WT1: variants seen among roughly 807,000 people sequenced by gnomAD.
WT1 encodes the protein Wilms tumor protein.
In WT1, 8 loss-of-function variants were observed where a neutral mutation model predicts 60.8. That is an observed-to-expected ratio of 0.13 (90% confidence interval 0.08 to 0.24). WT1 has a LOEUF of 0.24. Ranked by LOEUF, WT1 falls within the 10% of genes least tolerant of loss-of-function variation. WT1 has a pLI of 1.00. For missense variants in WT1, 568 were observed against 711.8 expected, an observed-to-expected ratio of 0.80 and a Z score of 2.30; for synonymous variants, 312 against 297.1, an observed-to-expected ratio of 1.05 and a Z score of -0.52.
intron 5 of WT1, among the ~76,000 whole-genome samples, chr11:32,409,267 C>T (rs1006512541): frequency 3.3e-5 from 5 of 151,714 alleles, no homozygotes; most frequent in Non-Finnish European, 7.4e-5. Flanking sequence ...TTTTAAAATG[C>T]TTGGGATGGG....
intron 7 of WT1, among the ~76,000 whole-genome samples, chr11:32,394,825 C>T (rs1851919324): frequency 1.3e-5 from 2 of 152,230 alleles, no homozygotes; most frequent in African/African-American, 4.8e-5. Flanking sequence ...CACTGCCTTC[C>T]CTTCACACAG....
chr11:32,407,563 C>T (rs1852354418), intron 5 of WT1, among the ~76,000 whole-genome samples: 1 of 152,140 alleles, frequency 6.6e-6, no homozygotes. Context: ...CGTCTTCTCC[C>T]CTCTGCAGAG....
chr11:32,419,763 A>T (rs1015810967), intron 3 of WT1, among the ~76,000 whole-genome samples: 1 of 152,208 alleles, frequency 6.6e-6, no homozygotes, highest in Non-Finnish European at 1.5e-5. Context: ...GCGCTATTTC[A>T]GTTCGCTGCA....
At chr11:32,391,868 T>G in intron 9 of WT1, 104 bp downstream of exon 9, 1 of 1,211,356 alleles carries the variant, frequency 8.3e-7, no homozygotes, top group South Asian at 1.2e-5. Flanking sequence ...AGTCTAAACC[T>G]TAGAACTTTT....
In WT1 at chr11:32,389,735, GT is replaced by G. The variant is rs879851963; in HGVS notation, c.1448-557del. 3.2e-3 allele frequency among the ~76,000 whole-genome samples: 467 copies of G among 146,560 alleles called. 3 individuals carry two copies. Among genetic ancestry groups the G allele is most frequent in the African/African-American group, 0.01 (413 of 40,096 alleles). The stretch of plus-strand genomic sequence containing the variant: ...GATACCAGTTTACATGTTATGTGTT[GT>G]TTTTTTTTTTCTCTTAAAGTGTTAC... On this transcript the variant is annotated intron_variant, in intron 9 of 9. Coordinates refer to ENST00000452863, the MANE Select transcript of WT1 (RefSeq NM_024426.6).
At chr11:32,423,296 C>A (rs938475211) in intron 3 of WT1, among the ~76,000 whole-genome samples, 2 of 152,186 alleles carry the variant, frequency 1.3e-5, no homozygotes, top group Non-Finnish European at 2.9e-5. Flanking sequence ...TCTTTAGGTG[C>A]CTGGGCTGAA....
At chr11:32,398,555 T>C (rs1225354620) in intron 6 of WT1, among the ~76,000 whole-genome samples, 1 of 152,174 alleles carries the variant, frequency 6.6e-6, no homozygotes, top group Non-Finnish European at 1.5e-5. Context: ...TCTGCCTCCC[T>C]AAGAAGCAGT....
intron 3 of WT1, 134 bp downstream of exon 3, chr11:32,427,822 G>C (rs1853106350): frequency 3.1e-6 from 2 of 655,432 alleles, no homozygotes. Context: ...GAGTGGAGTC[G>C]AGGCGTCTCG....
At chr11:32,416,577 G>A (rs1218566942) in intron 4 of WT1, 37 bp from the exon 5 acceptor site, 1 of 1,613,298 alleles carries the variant, frequency 6.2e-7, no homozygotes, top group Admixed American at 1.7e-5. Context: ...GGGGAATGGA[G>A]CATGCATGGA....
intron 5 of WT1, among the ~76,000 whole-genome samples, chr11:32,414,331 G>A (rs1485848774): frequency 6.6e-6 from 1 of 152,148 alleles, no homozygotes; most frequent in Non-Finnish European, 1.5e-5. Context: ...GGAATGCAGT[G>A]GCCTGATCTT....
chr11:32,396,085 A>G (rs1408815334), intron 7 of WT1, among the ~76,000 whole-genome samples, 172 bp downstream of exon 7: 3 of 152,328 alleles, frequency 2.0e-5, no homozygotes, highest in Non-Finnish European at 4.4e-5. Flanking sequence ...TAAAGGATAG[A>G]TAATCAGAAT....
chr11:32,431,057 G>A (rs539206610), intron 1 of WT1, among the ~76,000 whole-genome samples: 6 of 152,304 alleles, frequency 3.9e-5, no homozygotes, highest in African/African-American at 1.4e-4. Flanking sequence ...GGCCCGGGAG[G>A]GGAGCGCAAC....
intron 3 of WT1, among the ~76,000 whole-genome samples, chr11:32,419,107 C>T (rs1564988619): frequency 6.6e-6 from 1 of 152,186 alleles, no homozygotes; most frequent in Non-Finnish European, 1.5e-5. Context: ...GTAGCAGCAG[C>T]CCGTACTGGT....
At chr11:32,431,969 A>G (rs1853327138) in intron 1 of WT1, among the ~76,000 whole-genome samples, 1 of 152,168 alleles carries the variant, frequency 6.6e-6, no homozygotes, top group Non-Finnish European at 1.5e-5. Context: ...GGATTTCCTC[A>G]TCCAAAACAA....
intron 5 of WT1, among the ~76,000 whole-genome samples, chr11:32,411,183 C>T (rs1388338010): frequency 6.6e-6 from 1 of 152,110 alleles, no homozygotes; most frequent in African/African-American, 2.4e-5. Flanking sequence ...CCATCCCAAC[C>T]TTTCTTTCCT....
At chr11:32,396,955 C>G (rs1391909942) in intron 6 of WT1, among the ~76,000 whole-genome samples, 2 of 152,334 alleles carry the variant, frequency 1.3e-5, no homozygotes, top group East Asian at 3.9e-4. Context: ...ATTTGGGGAT[C>G]CCATCTGTGA....
In WT1 at chr11:32,435,132, C is replaced by T. The variant is rs2133105889; in HGVS notation, c.229G>A (p.Asp77Asn). The change falls in exon 1 of 10, where the codon GAC becomes AAC. Residue 77 changes from aspartate to asparagine, a missense_variant. Physicochemically the swap from Asp to Asn is conservative, Grantham distance 23. Transcript: ENST00000452863. ...AGCAGCGCGTTCAGGTCCCGCACGT[C>T]GGAGCCCATTTGCTGCGGCTCAGAC... 1 of 1,518,816 alleles carries T rather than the reference C, an allele frequency of 6.6e-7. No individual in the cohort carries two copies. Among genetic ancestry groups the T allele is most frequent in the Non-Finnish European group, 8.8e-7 (1 of 1,140,838 alleles). 94.1% of individuals were successfully genotyped at this position (1,518,816 alleles called of 1,614,324 possible). A position where few individuals can be genotyped will look rare whatever the true frequency, so the allele number is the denominator to read the frequency against.
At chr11:32,412,918 C>T (rs1852548024) in intron 5 of WT1, among the ~76,000 whole-genome samples, 1 of 151,922 alleles carries the variant, frequency 6.6e-6, no homozygotes, top group Admixed American at 6.6e-5. Flanking sequence ...AAGTATATCC[C>T]ACCTCTAACA....
Position 32,428,027 on chromosome 11 carries a change from G to C in WT1, c.816C>G (p.Val272=), listed in dbSNP as rs536750501. ...TGTCGGTGGGGGTGTGGCAGCCATA[G>C]ACCGGGGGCGGCACCGAGTACTGCT... Residue 272 remains valine (V), a synonymous_variant, in exon 3 of 10, where the codon GTC becomes GTG. Coordinates refer to ENST00000452863, the MANE Select transcript of WT1 (RefSeq NM_024426.6). The C allele has an allele frequency of 2.5e-6, 4 of 1,610,504 alleles. No homozygotes were observed. In the Admixed American group the frequency reaches 6.7e-5, roughly 27 times the overall value.
Sources: gnomAD v4.1 joint callset for allele counts (sites outside exome capture counted in the v4.1 genomes callset) on GRCh38, gnomAD v4.1.1 for gene constraint, MANE v1.5 for transcripts, NCBI Gene and HGNC (gene_info 2026-07-23, HGNC 2026-07-21) for gene names.